Variants in RNF213 observed in about 807,000 individuals in gnomAD.
RNF213 encodes the protein E3 ubiquitin-protein ligase RNF213.
RNF213 carries 341 observed loss-of-function variants against 514.4 expected under a neutral mutation model. The ratio of observed to expected loss-of-function variants is 0.66; its 90% confidence interval spans 0.61 to 0.73. The LOEUF (loss-of-function observed/expected upper bound fraction) is 0.73. RNF213 is among the 30% of genes least tolerant of loss of function. The pLI is 0.00. For missense variants in RNF213, 5,767 were observed against 6,615.6 expected, an observed-to-expected ratio of 0.87 and a Z score of 4.45; for synonymous variants, 2,655 against 2,658.2, an observed-to-expected ratio of 1.00 and a Z score of 0.04.
At chr17:80,329,864 G>A (rs1193660081) in intron 20 of RNF213, among the ~76,000 whole-genome samples, 4 of 152,084 alleles carry the variant, frequency 2.6e-5, no homozygotes, top group Non-Finnish European at 5.9e-5. Flanking sequence ...CCTCTATTGG[G>A]TATTAATAGG....
chr17:80,379,855 C>T, intron 55 of RNF213, 141 bp downstream of exon 55: 1 of 738,246 alleles, frequency 1.4e-6, no homozygotes, highest in Non-Finnish European at 2.4e-6. Flanking sequence ...AATAGCAATG[C>T]CAAAGTCCCA....
chr17:80,284,629 A>G (rs1455361806), intron 3 of RNF213, among the ~76,000 whole-genome samples: 1 of 151,998 alleles, frequency 6.6e-6, no homozygotes, highest in Non-Finnish European at 1.5e-5. Context: ...GAAGTTTATT[A>G]TGGACACACC....
chr17:80,315,806 TGGTGGTGGTGGTGGTGGTGGTGATGGTG>T (rs1269891652), intron 15 of RNF213: 2 of 46,352 alleles, frequency 4.3e-5, no homozygotes, highest in Non-Finnish European at 4.8e-5. Flanking sequence ...GTGGTGGAGG[TGGTGGTGGTGGTGGTGGTGGTGATGGTG>T]ATGGTGGTGG....
At chr17:80,319,362 C>G in intron 17 of RNF213, 50 bp downstream of exon 17, 1 of 1,614,240 alleles carries the variant, frequency 6.2e-7, no homozygotes, top group Non-Finnish European at 8.5e-7. Flanking sequence ...CAGCTGTGTT[C>G]TGCCATGACC....
At chr17:80,349,342 A>T (rs915767825) in intron 29 of RNF213, among the ~76,000 whole-genome samples, 2 of 152,104 alleles carry the variant, frequency 1.3e-5, no homozygotes, top group African/African-American at 2.4e-5. Context: ...TTGCACTGTG[A>T]TGGGGGAGTG....
Position 80,343,388 on chromosome 17 carries a change from C to A in RNF213, c.6183+63C>A. On this transcript the variant is annotated intron_variant, in intron 27 of 67. Transcript: ENST00000582970. This position sits in a 1 kb window ranked among gnomAD's most constrained non-coding sequence, Gnocchi z 4.3. ...TAAAGACGTGGTCCCCATGTCTCTGCGTGACTCCTCCCCGTGTATAGAATT... is the reference window on the plus strand; with the variant it reads ...TAAAGACGTGGTCCCCATGTCTCTGAGTGACTCCTCCCCGTGTATAGAATT... 1 of 1,368,320 alleles carries A rather than the reference C, an allele frequency of 7.3e-7. No individual in the cohort carries two copies. Among genetic ancestry groups the A allele is most frequent in the Non-Finnish European group, 1.0e-6 (1 of 973,078 alleles). The allele number at this position is 1,368,320 out of a possible 1,614,324, so 84.8% of individuals were successfully genotyped here.
At chr17:80,382,924 G>C in intron 57 of RNF213, 55 bp from the exon 58 acceptor site, 1 of 1,043,976 alleles carries the variant, frequency 9.6e-7, no homozygotes, top group Non-Finnish European at 1.5e-6. Context: ...ATTATACGCA[G>C]ACTGCTGTGT....
chr17:80,336,345 T>TCTGG lies in RNF213; in HGVS notation c.4495_4498dup (p.Asp1500AlafsTer3). 1 of 1,537,254 alleles carries TCTGG rather than the reference T, an allele frequency of 6.5e-7. No homozygotes were observed. ...AGCATCTGAAAAAGCTGTGGAAGGC[T>TCTGG]CTGGATAAGGACCAGTACCTGCCCA... On this transcript the variant is annotated frameshift_variant, in exon 23 of 68. Transcript: ENST00000582970. LOFTEE classifies it high-confidence loss of function.
chr17:80,313,787 G>T (rs1200063393), intron 15 of RNF213, among the ~76,000 whole-genome samples: 1 of 140,672 alleles, frequency 7.1e-6, no homozygotes, highest in South Asian at 2.2e-4. Context: ...TGATGGTGGT[G>T]GTGAAGGTGA....
intron 36 of RNF213, 169 bp downstream of exon 36, chr17:80,354,745 T>G: frequency 2.5e-6 from 2 of 795,566 alleles, no homozygotes; most frequent in Non-Finnish European, 4.1e-6. Context: ...ACAGTAGGTC[T>G]GGACAGTGGC....
At chr17:80,304,066 A>T (rs2045274323) in intron 11 of RNF213, among the ~76,000 whole-genome samples, 1 of 151,624 alleles carries the variant, frequency 6.6e-6, no homozygotes, top group South Asian at 2.1e-4. Flanking sequence ...ACCTTTTATT[A>T]TTATTGCTAT....
chr17:80,301,200 C>T (rs2045164266), intron 11 of RNF213, among the ~76,000 whole-genome samples: 1 of 151,930 alleles, frequency 6.6e-6, no homozygotes, highest in African/African-American at 2.4e-5. Context: ...GTATTTTTGT[C>T]GTGAAATCTT....
chr17:80,385,961 CAGCCAGCACTGTT>C (rs1196805271), intron 61 of RNF213, among the ~76,000 whole-genome samples: 3 of 152,242 alleles, frequency 2.0e-5, no homozygotes, highest in African/African-American at 7.2e-5. Context: ...CCACTGCGCC[CAGCCAGCACTGTT>C]AACGCTTAAC....
At chr17:80,311,011 T>C (rs942204838) in intron 14 of RNF213, among the ~76,000 whole-genome samples, 11 of 152,250 alleles carry the variant, frequency 7.2e-5, no homozygotes, top group African/African-American at 2.7e-4. Context: ...TCACGTTCTC[T>C]GGAGTGGCTG....
At chr17:80,363,013 T>C (rs1376331018) in intron 39 of RNF213, 89 bp from the exon 40 acceptor site, 13 of 1,247,156 alleles carry the variant, frequency 1.0e-5, no homozygotes, top group Non-Finnish European at 1.5e-5. Context: ...TCCTCTTTTA[T>C]GGTTTTCCAA....
chr17:80,306,443 G>A lies in RNF213; in HGVS notation c.2402G>A (p.Gly801Glu), dbSNP rs1367810331. Residue 801 changes from glycine (G) to glutamate (E), a missense_variant, in exon 12 of 68, where the codon GGA becomes GAA. Transcript: ENST00000582970. ...CLSGIYYRLP[G>E]LEQVLNTQDV... ...TCAGGGATTTACTACCGGCTTCCGG[G>A]ACTTGAGCAAGTCTTGAATACGCAG... is the stretch of plus-strand genomic sequence containing the variant. 6.2e-7 allele frequency: 1 copy of A among 1,613,992 alleles called. No individual in the cohort carries two copies. Among genetic ancestry groups the A allele is most frequent in the African/African-American group, 1.3e-5 (1 of 74,898 alleles).
rs1177430457 is a variant in RNF213, at chr17:80,390,001, CG to C, written c.15286-10del. On this transcript the variant is annotated splice_polypyrimidine_tract_variant and intron_variant, in intron 66 of 67. Coordinates refer to ENST00000582970, the MANE Select transcript of RNF213 (RefSeq NM_001256071.3). ...GGCTTTAATGCTTCATTTGCTCTTC[CG>C]TCGTTTTAGGAGCCATTTGGGGAAA... 6.2e-7 allele frequency: 1 copy of C among 1,614,078 alleles called. No homozygotes were observed. Among genetic ancestry groups the C allele is most frequent in the African/African-American group, 1.3e-5 (1 of 74,924 alleles).
intron 11 of RNF213, among the ~76,000 whole-genome samples, chr17:80,305,868 C>G (rs2045339916): frequency 6.6e-6 from 1 of 152,204 alleles, no homozygotes; most frequent in Admixed American, 6.5e-5. Flanking sequence ...GATCCACCTG[C>G]CTCAGCCTCC....
At chr17:80,336,622 A>T (rs1255224297) in intron 23 of RNF213, 1 of 540,572 alleles carries the variant, frequency 1.8e-6, no homozygotes, top group Admixed American at 2.6e-5. Context: ...TGGAAAAAAG[A>T]CAGAAGGGAA....
Sources: allele counts gnomAD v4.1 joint callset (sites outside exome capture counted in the v4.1 genomes callset), GRCh38; gene constraint gnomAD v4.1.1; non-coding constraint Gnocchi (gnomAD v3.1); transcripts MANE v1.5; gene names NCBI Gene and HGNC (gene_info 2026-07-23, HGNC 2026-07-21).